SNX7: variants seen among roughly 807,000 people sequenced by gnomAD.
SNX7 encodes sorting nexin-7.
Under a neutral mutation model 48.4 loss-of-function variants are expected in SNX7, and 35 were observed. The ratio of observed to expected loss-of-function variants is 0.72; its 90% CI spans 0.55 to 0.96. SNX7 has a LOEUF of 0.96. Ranked by LOEUF, SNX7 falls within the 40% of genes least tolerant of loss-of-function variation. The pLI is 0.00. For missense variants in SNX7, 553 were observed against 548.9 expected, an observed-to-expected ratio of 1.01 and a Z score of -0.07; for synonymous variants, 190 against 190.2, an observed-to-expected ratio of 1.00 and a Z score of 0.01.
At chr1:98,758,269 G>T (rs1037122780) in intron 8 of SNX7, among the ~76,000 whole-genome samples, 1 of 151,922 alleles carries the variant, frequency 6.6e-6, no homozygotes, top group East Asian at 1.9e-4. Flanking sequence ...CTTTTCATGA[G>T]TATAGACATT....
intron 2 of SNX7, among the ~76,000 whole-genome samples, chr1:98,688,855 T>C (rs564163372): frequency 4.4e-4 from 67 of 152,274 alleles, no homozygotes; most frequent in African/African-American, 1.6e-3. Context: ...TCAAACCCAG[T>C]TATTTCTACA....
At chr1:98,754,819 T>C (rs1654762390) in intron 8 of SNX7, among the ~76,000 whole-genome samples, 1 of 151,928 alleles carries the variant, frequency 6.6e-6, no homozygotes, top group Admixed American at 6.6e-5. Flanking sequence ...AGTCCCACTT[T>C]GCTCTTTTCT....
chr1:98,707,870 G>A (rs1472732795), intron 7 of SNX7, among the ~76,000 whole-genome samples: 1 of 152,156 alleles, frequency 6.6e-6, no homozygotes, highest in Non-Finnish European at 1.5e-5. Flanking sequence ...TCCTTATTCA[G>A]TATGACATGC....
At chr1:98,661,638 C>G (rs370632186), upstream of SNX7, 2 of 1,081,366 alleles carry the variant, frequency 1.8e-6, no homozygotes, top group African/African-American at 1.7e-5. Context: ...CGGGGCCGGC[C>G]GGGGAGGTGC....
chr1:98,750,643 T>C (rs1038559633), intron 8 of SNX7, among the ~76,000 whole-genome samples: 7 of 151,974 alleles, frequency 4.6e-5, no homozygotes, highest in Non-Finnish European at 8.8e-5. Context: ...AGCCCAAAAT[T>C]GCCACCATAG....
chr1:98,735,258 A>G (rs1199872998), intron 7 of SNX7, among the ~76,000 whole-genome samples: 1 of 152,138 alleles, frequency 6.6e-6, no homozygotes, highest in East Asian at 1.9e-4. Context: ...TAGGAAAGAT[A>G]TAGTGCAGAT....
chr1:98,666,906 G>C (rs752325378), intron 1 of SNX7, among the ~76,000 whole-genome samples: 32 of 152,172 alleles, frequency 2.1e-4, no homozygotes, highest in Non-Finnish European at 1.0e-4. Context: ...ATATGTAAAT[G>C]CTTGGTCAGC....
At chr1:98,714,399 G>T (rs1419777771) in intron 7 of SNX7, among the ~76,000 whole-genome samples, 1 of 111,448 alleles carries the variant, frequency 9.0e-6, no homozygotes, top group Non-Finnish European at 2.1e-5. Flanking sequence ...ATAGTTCTTG[G>T]CTCCTTAAGA....
chr1:98,717,731 A>G (rs536611707), intron 7 of SNX7, among the ~76,000 whole-genome samples: 132 of 152,228 alleles, frequency 8.7e-4, no homozygotes, highest in African/African-American at 3.1e-3. Context: ...AGGGTATGAA[A>G]TGAGATAAGG....
chr1:98,662,629 T>C (rs755209704), intron 1 of SNX7: 13 of 1,257,626 alleles, frequency 1.0e-5, no homozygotes, highest in Non-Finnish European at 1.2e-5. Flanking sequence ...GGTAGACTTT[T>C]GGTACGTGTA....
At chr1:98,735,084 G>T (rs1653707830) in intron 7 of SNX7, among the ~76,000 whole-genome samples, 1 of 152,038 alleles carries the variant, frequency 6.6e-6, no homozygotes, top group South Asian at 2.1e-4. Flanking sequence ...CCTGCCAGTG[G>T]GCTATTCTCC....
chr1:98,745,912 C>T (rs971392027), intron 8 of SNX7, among the ~76,000 whole-genome samples: 22 of 152,008 alleles, frequency 1.4e-4, no homozygotes, highest in African/African-American at 4.6e-4. Flanking sequence ...CCTTGTGTTT[C>T]GAGAGCCCAG....
intron 2 of SNX7, among the ~76,000 whole-genome samples, chr1:98,685,316 G>C (rs1034995296): frequency 5.3e-5 from 8 of 152,122 alleles, no homozygotes; most frequent in Admixed American, 3.3e-4. Context: ...CTTAGAATAA[G>C]AATATCTAGG....
intron 1 of SNX7, among the ~76,000 whole-genome samples, chr1:98,673,391 A>G (rs74110425): frequency 0.03 from 4,613 of 152,288 alleles, 203 homozygotes; most frequent in East Asian, 0.092. Context: ...TGACAGCTCT[A>G]TGGAAAGCAT....
At chr1:98,667,255 G>A (rs1037259134) in intron 1 of SNX7, among the ~76,000 whole-genome samples, 1 of 152,172 alleles carries the variant, frequency 6.6e-6, no homozygotes, top group Admixed American at 6.5e-5. Flanking sequence ...TTAGAACATT[G>A]TATTCAGAAG....
chr1:98,760,210 C>A lies in SNX7; in HGVS notation c.*79C>A. On this transcript the variant is annotated 3_prime_UTR_variant, in exon 9 of 9. Transcript: ENST00000306121. ...TTATTCTTTCTGGATCTGCCGTGTC[C>A]TTATAAAGTGGATGAAAAATGTTTT... 8.8e-7 allele frequency: 1 copy of A among 1,132,868 alleles called. No homozygotes were observed. The highest frequency in any genetic ancestry group is 1.3e-6 in the Non-Finnish European group (1 of 756,044). 70.2% of individuals were successfully genotyped at this position (1,132,868 alleles called of 1,614,324 possible).
intron 1 of SNX7, among the ~76,000 whole-genome samples, chr1:98,671,129 T>A (rs2100911477): frequency 6.6e-6 from 1 of 152,342 alleles, no homozygotes; most frequent in South Asian, 2.1e-4. Flanking sequence ...GTGGTTACAG[T>A]GTTAAAAATT....
chr1:98,698,387 C>T (rs1651568261), intron 5 of SNX7, among the ~76,000 whole-genome samples: 1 of 152,110 alleles, frequency 6.6e-6, no homozygotes, highest in South Asian at 2.1e-4. Context: ...CTGTCAGGTA[C>T]TCAGATATAG....
At chr1:98,751,241 C>T (rs1654563542) in intron 8 of SNX7, among the ~76,000 whole-genome samples, 1 of 152,082 alleles carries the variant, frequency 6.6e-6, no homozygotes, top group South Asian at 2.1e-4. Flanking sequence ...ATCACATCTG[C>T]TTGTGGGATT....
Sources: allele counts gnomAD v4.1 joint callset (sites outside exome capture counted in the v4.1 genomes callset), GRCh38; gene constraint gnomAD v4.1.1; transcripts MANE v1.5; gene names NCBI Gene and HGNC (gene_info 2026-07-23, HGNC 2026-07-21).